STRBP: variants seen among roughly 807,000 people sequenced by gnomAD.
STRBP encodes the protein spermatid perinuclear RNA-binding protein.
STRBP carries 13 observed loss-of-function variants against 80.1 expected under a neutral mutation model. The ratio of observed to expected loss-of-function variants is 0.16; its 90% confidence interval spans 0.11 to 0.26. STRBP has a LOEUF of 0.26. Among genes scored for constraint, STRBP ranks in the 10% least tolerant of loss-of-function variants. The pLI is 1.00. For missense variants in STRBP, 485 were observed against 815.2 expected (o/e 0.59, Z 4.93); for synonymous variants, 284 against 291.2 (o/e 0.98, Z 0.25).
intron 3 of STRBP, among the ~76,000 whole-genome samples, chr9:123,181,792 C>G (rs2038469318): frequency 5.0e-5 from 1 of 19,894 alleles, no homozygotes; most frequent in African/African-American, 2.0e-4. Flanking sequence ...AAGAGCAAAA[C>G]TTCGTCTCAA....
At chr9:123,247,278 C>CT (rs916538883) in intron 1 of STRBP, among the ~76,000 whole-genome samples, 13 of 151,522 alleles carry the variant, frequency 8.6e-5, no homozygotes, top group South Asian at 2.1e-4. Context: ...TACTTTTTTT[C>CT]TTTTTTTTGA....
At chr9:123,147,677 CAAA>C (rs551381831) in intron 12 of STRBP, 98 bp downstream of exon 12, 8,367 of 367,986 alleles carry the variant, frequency 0.023, no homozygotes, top group South Asian at 0.034. Context: ...GAACCGATCT[CAAA>C]AAAAAAAAAA....
intron 1 of STRBP, among the ~76,000 whole-genome samples, chr9:123,245,525 G>C (rs2040783105): frequency 6.6e-6 from 1 of 152,172 alleles, no homozygotes; most frequent in Admixed American, 6.5e-5. Flanking sequence ...GAGTAGCTGG[G>C]AGCTGCCACC....
At chr9:123,203,871 C>G (rs1375587048) in intron 2 of STRBP, among the ~76,000 whole-genome samples, 2 of 152,092 alleles carry the variant, frequency 1.3e-5, no homozygotes, top group African/African-American at 4.8e-5. Context: ...ACTCGGGAGT[C>G]TGAGGCAGGA....
intron 3 of STRBP, 122 bp downstream of exon 3, chr9:123,184,010 T>C (rs2038599220): frequency 1.2e-6 from 1 of 844,188 alleles, no homozygotes; most frequent in Non-Finnish European, 1.9e-6. Flanking sequence ...CATCTTTATA[T>C]GACACACTAA....
At chr9:123,232,338 C>T (rs2040422146) in intron 2 of STRBP, among the ~76,000 whole-genome samples, 3 of 152,012 alleles carry the variant, frequency 2.0e-5, no homozygotes, top group Admixed American at 2.0e-4. Context: ...AAAACCTTAG[C>T]CGACAATTTC....
chr9:123,202,121 T>G (rs1282910793), intron 2 of STRBP, among the ~76,000 whole-genome samples: 1 of 152,214 alleles, frequency 6.6e-6, no homozygotes, highest in Admixed American at 6.5e-5. Flanking sequence ...ACTCCTTCTC[T>G]GTTAGGTGAG....
At chr9:123,121,404 T>A (rs2035730227), downstream of STRBP, 1 of 152,170 alleles carries the variant, frequency 6.6e-6, no homozygotes, top group Non-Finnish European at 1.5e-5. Flanking sequence ...AACCCTCACA[T>A]CTTTACATGA....
At chr9:123,111,147 G>A (rs2035559630) in intron 3 of STRBP, 1 of 167,748 alleles carries the variant, frequency 6.0e-6, no homozygotes, top group African/African-American at 2.4e-5. Context: ...GCTGCAGCCT[G>A]AGGGAGCCAG....
chr9:123,170,406 G>A (rs2037957706), intron 5 of STRBP, among the ~76,000 whole-genome samples: 1 of 152,146 alleles, frequency 6.6e-6, no homozygotes, highest in South Asian at 2.1e-4. Flanking sequence ...TATAAAATAA[G>A]AAATAGCTGG....
downstream of STRBP, among the ~76,000 whole-genome samples, chr9:123,117,993 G>A (rs572595996): frequency 8.5e-5 from 13 of 152,238 alleles, no homozygotes; most frequent in African/African-American, 3.1e-4. Flanking sequence ...CCTATTTTAG[G>A]CCAGGTTATC....
Position 123,255,062 on chromosome 9 carries a change from G to T in STRBP, c.-302+13374C>A, listed in dbSNP as rs560088866. ...TGTACACAATTATCAATATCATTTT[G>T]CAAATAATTTTTTTGTCTATCATCT... On this transcript the variant is annotated intron_variant, in intron 1 of 18. Transcript: ENST00000348403. Among the ~76,000 whole-genome samples the T allele has an allele frequency of 2.6e-5, 4 of 152,184 alleles. No individual in the cohort carries two copies. In the South Asian group the frequency reaches 8.3e-4, roughly 32 times the overall value.
intron 2 of STRBP, among the ~76,000 whole-genome samples, chr9:123,220,229 A>G (rs1463644973): frequency 6.6e-6 from 1 of 152,262 alleles, no homozygotes; most frequent in Non-Finnish European, 1.5e-5. Context: ...AACAAAAGTG[A>G]TACAACCTAA....
At chr9:123,159,519 A>G (rs1020477338) in intron 8 of STRBP, among the ~76,000 whole-genome samples, 1 of 152,220 alleles carries the variant, frequency 6.6e-6, no homozygotes, top group Non-Finnish European at 1.5e-5. Flanking sequence ...AAGTCCTCAT[A>G]TAAGTTAGTA....
At chr9:123,160,927 T>C in intron 7 of STRBP, 50 bp downstream of exon 7, 3 of 1,490,952 alleles carry the variant, frequency 2.0e-6, no homozygotes, top group Non-Finnish European at 2.7e-6. Flanking sequence ...GTGTTCCAAA[T>C]GAAACTTGGA....
intron 1 of STRBP, among the ~76,000 whole-genome samples, chr9:123,253,888 A>C (rs1306871086): frequency 6.6e-6 from 1 of 152,168 alleles, no homozygotes; most frequent in Non-Finnish European, 1.5e-5. Context: ...TTGCTTAAAA[A>C]CTTTTCAAAC....
intron 2 of STRBP, among the ~76,000 whole-genome samples, chr9:123,233,932 G>A (rs1367430760): frequency 1.3e-5 from 2 of 152,164 alleles, no homozygotes; most frequent in East Asian, 1.9e-4. Context: ...CGGGCGCGGT[G>A]GCTCACGCCT....
chr9:123,251,756 A>G (rs546093434), intron 1 of STRBP, among the ~76,000 whole-genome samples: 5 of 152,354 alleles, frequency 3.3e-5, no homozygotes, highest in South Asian at 2.1e-4. Flanking sequence ...TGGGGAAGTA[A>G]TGAGTAAAAT....
chr9:123,197,384 G>T (rs956577100), intron 2 of STRBP, among the ~76,000 whole-genome samples: 10 of 152,026 alleles, frequency 6.6e-5, no homozygotes, highest in Non-Finnish European at 1.5e-5. Context: ...GGTACAAGTG[G>T]GTTTTGTTAC....
Sources: allele counts gnomAD v4.1 joint callset (sites outside exome capture counted in the v4.1 genomes callset), GRCh38; gene constraint gnomAD v4.1.1; transcripts MANE v1.5; gene names NCBI Gene and HGNC (gene_info 2026-07-23, HGNC 2026-07-21).